NSA2: variants seen among roughly 807,000 people sequenced by gnomAD.
NSA2 encodes the protein NSA2 ribosome biogenesis factor.
NSA2 carries 18 observed loss-of-function variants against 34.8 expected under a neutral mutation model. The observed-to-expected ratio is 0.52, with a 90% CI of 0.36 to 0.77. The LOEUF (loss-of-function observed/expected upper bound fraction) is 0.77. Among genes scored for constraint, NSA2 ranks in the 30% least tolerant of loss-of-function variants. NSA2 has a pLI of 0.00. For missense variants in NSA2, 188 were observed against 314.7 expected (o/e 0.60, Z 3.05); for synonymous variants, 79 against 100.2 (o/e 0.79, Z 1.26).
Position 74,771,488 on chromosome 5 carries a change from C to T in NSA2, c.522+678C>T, listed in dbSNP as rs573302937. 2.6e-5 allele frequency: 4 copies of T among 152,122 alleles called. No individual in the cohort carries two copies. The South Asian group carries it at 6.2e-4, about 24-fold the overall frequency. 9.4% of individuals were successfully genotyped at this position (152,122 alleles called of 1,614,324 possible). A position where few individuals can be genotyped will look rare whatever the true frequency, so the allele number is the denominator to read the frequency against. ...CTTGTCTTTGACAGCAGTTCGAAAA[C>T]TTGAGTAGGACTGTTTTATAAGAGT... On this transcript the variant is annotated intron_variant, in intron 4 of 5. Coordinates refer to ENST00000610426, the MANE Select transcript of NSA2 (RefSeq NM_014886.6).
At chr5:74,770,331 TAA>T (rs58512296) in intron 3 of NSA2, among the ~76,000 whole-genome samples, 23 of 101,516 alleles carry the variant, frequency 2.3e-4, no homozygotes, top group Admixed American at 3.3e-4. Context: ...AGACTCCATC[TAA>T]AAAAAAAAAA....
chr5:74,769,401 G>A, intron 3 of NSA2, 37 bp downstream of exon 3: 1 of 1,534,128 alleles, frequency 6.5e-7, no homozygotes, highest in South Asian at 1.2e-5. Flanking sequence ...TTTTGTTTAG[G>A]AGAATTACTT....
intron 5 of NSA2, among the ~76,000 whole-genome samples, chr5:74,776,261 A>G (rs1439382704): frequency 3.3e-5 from 5 of 152,210 alleles, no homozygotes; most frequent in African/African-American, 1.2e-4. Flanking sequence ...GCACTTTGGG[A>G]GGCCAAGGCA....
chr5:74,773,777 G>T, intron 4 of NSA2, 91 bp from the exon 5 acceptor site: 2 of 946,870 alleles, frequency 2.1e-6, no homozygotes, highest in Non-Finnish European at 1.6e-6. Flanking sequence ...GTTTTTTGGA[G>T]ATGGTTGAAA....
chr5:74,773,037 T>A (rs1470280475), intron 4 of NSA2, among the ~76,000 whole-genome samples: 1 of 152,164 alleles, frequency 6.6e-6, no homozygotes, highest in East Asian at 1.9e-4. Context: ...AGTCCACTCC[T>A]TTTTTCATCA....
chr5:74,776,959 C>A lies in NSA2; in HGVS notation c.*288C>A. 2 of 232,244 alleles carry A rather than the reference C, an allele frequency of 8.6e-6. No individual in the cohort carries two copies. Among genetic ancestry groups the A allele is most frequent in the Non-Finnish European group, 1.7e-5 (2 of 120,154 alleles). 14.4% of individuals were successfully genotyped at this position (232,244 alleles called of 1,614,324 possible). A position where few individuals can be genotyped will look rare whatever the true frequency, so the allele number is the denominator to read the frequency against. On this transcript the variant is annotated 3_prime_UTR_variant, in exon 6 of 6. Coordinates refer to ENST00000610426, the MANE Select transcript of NSA2 (RefSeq NM_014886.6). ...ATTCAGCAATTTCCTGAAAAAACCA[C>A]CAGTGTTCATTGAAAATGCCTTTCA...
intron 4 of NSA2, among the ~76,000 whole-genome samples, chr5:74,773,453 C>T (rs1353353754): frequency 1.4e-5 from 2 of 142,756 alleles, no homozygotes; most frequent in African/African-American, 2.6e-5. Context: ...GGCAACATGG[C>T]GAAACCCCAT....
At chr5:74,773,026 C>G (rs1744995606) in intron 4 of NSA2, among the ~76,000 whole-genome samples, 1 of 152,192 alleles carries the variant, frequency 6.6e-6, no homozygotes, top group Non-Finnish European at 1.5e-5. Flanking sequence ...AGAAAGCTGA[C>G]AGTCCACTCC....
Position 74,779,258 on chromosome 5 carries a change from C to G in NSA2, c.*2587C>G, listed in dbSNP as rs1183365472. The G allele has an allele frequency of 6.6e-6, 1 of 152,046 alleles. No homozygotes were observed. Among genetic ancestry groups the G allele is most frequent in the Non-Finnish European group, 1.5e-5 (1 of 67,974 alleles). 9.4% of individuals were successfully genotyped at this position (152,046 alleles called of 1,614,324 possible). ...CTATATTCACACATCAAGAGTTGAGCCAGTGAGCTCAATCTTTAAAAAACT... is the reference window on the plus strand; with the variant it reads ...CTATATTCACACATCAAGAGTTGAGGCAGTGAGCTCAATCTTTAAAAAACT... On this transcript the variant is annotated 3_prime_UTR_variant, in exon 6 of 6. Coordinates refer to ENST00000610426, the MANE Select transcript of NSA2 (RefSeq NM_014886.6).
intron 4 of NSA2, among the ~76,000 whole-genome samples, chr5:74,773,499 G>A (rs190782125): frequency 6.6e-6 from 1 of 151,072 alleles, no homozygotes; most frequent in African/African-American, 2.4e-5. Flanking sequence ...AATAAGCTAG[G>A]CATGGTGGTG....
rs1275081772 is a variant in NSA2 at position 74,779,602 on chromosome 5, T to C, written c.*2931T>C. On this transcript the variant is annotated 3_prime_UTR_variant, in exon 6 of 6. Coordinates refer to ENST00000610426, the MANE Select transcript of NSA2 (RefSeq NM_014886.6). The stretch of plus-strand genomic sequence containing the variant: ...TAAAACAGCATAAATGTTTGGTAGA[T>C]TCACTAATAGTAGTCATACTTTTTT... 1 of 152,022 alleles carries C rather than the reference T, an allele frequency of 6.6e-6. No homozygotes were observed. Among genetic ancestry groups the C allele is most frequent in the East Asian group, 1.9e-4 (1 of 5,200 alleles). 9.4% of individuals were successfully genotyped at this position (152,022 alleles called of 1,614,324 possible).
At chr5:74,769,949 G>A (rs1461952979) in intron 3 of NSA2, among the ~76,000 whole-genome samples, 1 of 152,066 alleles carries the variant, frequency 6.6e-6, no homozygotes, top group Non-Finnish European at 1.5e-5. Context: ...GATCCATCTC[G>A]GGAAGAAATA....
chr5:74,772,382 G>A (rs952710482), intron 4 of NSA2, among the ~76,000 whole-genome samples: 5 of 152,122 alleles, frequency 3.3e-5, no homozygotes, highest in African/African-American at 1.2e-4. Context: ...GCCTCCCAAA[G>A]TGTTGGAATT....
chr5:74,770,618 G>A lies in NSA2; in HGVS notation c.343-13G>A. The stretch of plus-strand genomic sequence containing the variant: ...AATAACAATATAAACTTTTAACTGT[G>A]GCATATTTTTAGGGAAAATGGGAAG... On this transcript the variant is annotated splice_polypyrimidine_tract_variant and intron_variant, in intron 3 of 5. Coordinates refer to ENST00000610426, the MANE Select transcript of NSA2 (RefSeq NM_014886.6). 6.4e-7 allele frequency: 1 copy of A among 1,557,846 alleles called. No homozygotes were observed. Among genetic ancestry groups the A allele is most frequent in the Non-Finnish European group, 8.7e-7 (1 of 1,151,462 alleles).
chr5:74,768,152 A>G (rs766491087), intron 1 of NSA2, among the ~76,000 whole-genome samples: 2 of 152,270 alleles, frequency 1.3e-5, no homozygotes, highest in Non-Finnish European at 2.9e-5. Context: ...ACACGTCCAC[A>G]TGAAGACTTG....
At chr5:74,770,888 G>A in intron 4 of NSA2, 78 bp downstream of exon 4, 1 of 1,134,778 alleles carries the variant, frequency 8.8e-7, no homozygotes. Flanking sequence ...ATCATTTCCT[G>A]AAATTCTTTA....
chr5:74,771,391 CCA>C (rs1744922561), intron 4 of NSA2: 1 of 152,064 alleles, frequency 6.6e-6, no homozygotes, highest in African/African-American at 2.4e-5. Flanking sequence ...TCTTCATTTT[CCA>C]CAGTCATATT....
chr5:74,768,909 A>AAT lies in NSA2; in HGVS notation c.4-19_4-18dup, dbSNP rs1561273514. The AAT allele has an allele frequency of 3.3e-6, 5 of 1,503,354 alleles. No individual in the cohort carries two copies. The East Asian group carries it at 1.2e-4, about 36-fold the overall frequency. 93.1% of individuals were successfully genotyped at this position (1,503,354 alleles called of 1,614,324 possible). ...TGTCAGTACTTTAAAAAATTAAAAT[A>AAT]ATATTTCTTCCATCATTATAGCCAC... On this transcript the variant is annotated intron_variant, in intron 1 of 5. Transcript: ENST00000610426.
Position 74,769,248 on chromosome 5 carries a change from A to C in NSA2, c.226A>C (p.Lys76Gln), listed in dbSNP as rs1744837059. The C allele has an allele frequency of 6.2e-7, 1 of 1,609,948 alleles. No homozygotes were observed. The highest frequency in any genetic ancestry group is 8.5e-7 in the Non-Finnish European group (1 of 1,179,076). ...KMHEKRNTKQ[K>Q]NDEKTPQGAV... The stretch of plus-strand genomic sequence containing the variant: ...GCATGAAAAGAGAAACACCAAACAA[A>C]AGAATGATGAAAAGACACCACAGGG... Residue 76 changes from lysine (K) to glutamine (Q), a missense_variant, in exon 3 of 6, where the codon AAG becomes CAG. Coordinates refer to ENST00000610426, the MANE Select transcript of NSA2 (RefSeq NM_014886.6).
Sources: allele counts gnomAD v4.1 joint callset (sites outside exome capture counted in the v4.1 genomes callset), GRCh38; gene constraint gnomAD v4.1.1; transcripts MANE v1.5; gene names NCBI Gene and HGNC (gene_info 2026-07-23, HGNC 2026-07-21).